Variants in DENND2C observed in about 807,000 individuals in gnomAD.
DENND2C encodes the protein DENN domain-containing protein 2C.
A neutral mutation model predicts 112.4 loss-of-function variants in DENND2C; 72 were observed. That is an observed-to-expected ratio of 0.64 (90% CI 0.53 to 0.78). DENND2C has a LOEUF of 0.78. Ranked by LOEUF, DENND2C falls within the 30% of genes least tolerant of loss-of-function variation. DENND2C has a pLI of 0.00. For missense variants in DENND2C, 992 were observed against 1,113.8 expected, an observed-to-expected ratio of 0.89 and a Z score of 1.56; for synonymous variants, 329 against 381.6, an observed-to-expected ratio of 0.86 and a Z score of 1.61.
chr1:114,626,060 T>G lies in DENND2C; in HGVS notation c.-76A>C. The G allele has an allele frequency of 2.2e-6, 3 of 1,368,914 alleles. No homozygotes were observed. Among genetic ancestry groups the G allele is most frequent in the Non-Finnish European group, 3.0e-6 (3 of 1,005,270 alleles). The allele number at this position is 1,368,914 out of a possible 1,614,324, so 84.8% of individuals were successfully genotyped here. On this transcript the variant is annotated 5_prime_UTR_variant, in exon 4 of 21. Transcript: ENST00000393274. ...CAAGTAAATGTGAAATATTGTATTC[T>G]TTATCCTGTCAGAATCCAAATGATT...
At chr1:114,628,191 C>T (rs1656396807) in intron 3 of DENND2C, among the ~76,000 whole-genome samples, 3 of 151,588 alleles carry the variant, frequency 2.0e-5, no homozygotes. Flanking sequence ...GTGGCATGTA[C>T]CTGTAGTCCC....
intron 1 of DENND2C, among the ~76,000 whole-genome samples, chr1:114,665,742 A>G (rs1450850667): frequency 6.6e-6 from 1 of 152,206 alleles, no homozygotes; most frequent in Admixed American, 6.5e-5. Context: ...AATCCATTTC[A>G]TTGCTTTATA....
chr1:114,614,232 G>GAAA (rs71090798), intron 8 of DENND2C, among the ~76,000 whole-genome samples: 4 of 114,342 alleles, frequency 3.5e-5, no homozygotes, highest in Non-Finnish European at 3.9e-5. Flanking sequence ...ACTCTGTCTT[G>GAAA]AAAAAAAAAA....
intron 4 of DENND2C, 56 bp downstream of exon 4, chr1:114,625,123 C>T: frequency 6.7e-7 from 1 of 1,491,710 alleles, no homozygotes; most frequent in Non-Finnish European, 8.9e-7. Context: ...AAAAGAAGCT[C>T]AATAATCCTG....
intron 3 of DENND2C, among the ~76,000 whole-genome samples, chr1:114,631,047 C>T (rs567839648): frequency 6.6e-6 from 1 of 152,306 alleles, no homozygotes; most frequent in Non-Finnish European, 1.5e-5. Context: ...ATAATTTTTA[C>T]ATGAAGACAA....
At chr1:114,594,760 C>T (rs1655296488) in intron 17 of DENND2C, among the ~76,000 whole-genome samples, 182 bp from the exon 18 acceptor site, 1 of 152,072 alleles carries the variant, frequency 6.6e-6, no homozygotes, top group Non-Finnish European at 1.5e-5. Flanking sequence ...TATATTTTAA[C>T]TATATTAAAA....
At chr1:114,612,671 C>G (rs950982375) in intron 8 of DENND2C, among the ~76,000 whole-genome samples, 2 of 152,038 alleles carry the variant, frequency 1.3e-5, no homozygotes, top group African/African-American at 4.8e-5. Flanking sequence ...AGGCGTGTGC[C>G]GCCACACTGG....
Position 114,618,394 on chromosome 1 carries a change from G to A in DENND2C, c.1316C>T (p.Pro439Leu), listed in dbSNP as rs200608160. ...CGAAAAACAATTCTTACCTTTTGTC[G>A]GAGGTAATTCCTTTCCAGTGTAAGA... ...LHSYTGKELP[P>L]TKGETSGNES... Residue 439 changes from proline to leucine, a missense_variant, in exon 8 of 21, where the codon CCG (proline) becomes CTG (leucine). Physicochemically the swap from Pro to Leu is moderately conservative, Grantham distance 98. Around this residue, in one of 3 missense-constraint regions of DENND2C, gnomAD observed 516 missense variants for 623.6 expected, o/e 0.83. Transcript: ENST00000393274. 1.3e-4 allele frequency: 204 copies of A among 1,572,554 alleles called. No individual in the cohort carries two copies. The highest frequency in any genetic ancestry group is 3.4e-4 in the Middle Eastern group (2 of 5,872).
At chr1:114,603,688 C>A (rs1231774086) in intron 11 of DENND2C, among the ~76,000 whole-genome samples, 2 of 151,720 alleles carry the variant, frequency 1.3e-5, no homozygotes, top group African/African-American at 2.4e-5. Flanking sequence ...CTACTGCACA[C>A]CACCGTGTCT....
At chr1:114,623,417 C>A in intron 5 of DENND2C, 90 bp downstream of exon 5, 1 of 1,314,686 alleles carries the variant, frequency 7.6e-7, no homozygotes. Flanking sequence ...GCAATATATG[C>A]TTGATTATAG....
intron 16 of DENND2C, among the ~76,000 whole-genome samples, chr1:114,597,644 A>G (rs1239338407): frequency 1.3e-5 from 2 of 150,966 alleles, no homozygotes; most frequent in Non-Finnish European, 3.0e-5. Context: ...TTAGCTGGGC[A>G]TGGTGGTGTG....
At chr1:114,633,775 C>T (rs1030052499) in intron 3 of DENND2C, among the ~76,000 whole-genome samples, 4 of 152,082 alleles carry the variant, frequency 2.6e-5, no homozygotes, top group Non-Finnish European at 5.9e-5. Flanking sequence ...CAAGATGGTA[C>T]ACTTAAATTT....
intron 1 of DENND2C, among the ~76,000 whole-genome samples, chr1:114,655,552 C>T (rs915524363): frequency 1.1e-4 from 17 of 151,646 alleles, no homozygotes; most frequent in African/African-American, 2.9e-4. Flanking sequence ...GGTGTGATCT[C>T]GGCTCACTGC....
intron 1 of DENND2C, among the ~76,000 whole-genome samples, chr1:114,661,081 T>C (rs1458557959): frequency 1.5e-5 from 2 of 133,542 alleles, no homozygotes; most frequent in Non-Finnish European, 3.1e-5. Context: ...ACTGTGCACC[T>C]GGGCGACAGA....
chr1:114,640,541 C>A (rs1225425215), intron 3 of DENND2C, among the ~76,000 whole-genome samples: 1 of 152,146 alleles, frequency 6.6e-6, no homozygotes, highest in Non-Finnish European at 1.5e-5. Flanking sequence ...GAGGTGTGTG[C>A]ATGTGTGTGT....
At chr1:114,612,671 C>T (rs950982375) in intron 8 of DENND2C, among the ~76,000 whole-genome samples, 8 of 152,156 alleles carry the variant, frequency 5.3e-5, no homozygotes, top group East Asian at 3.9e-4. Flanking sequence ...AGGCGTGTGC[C>T]GCCACACTGG....
chr1:114,585,662 C>T, intron 20 of DENND2C, 31 bp from the exon 21 acceptor site: 1 of 1,606,606 alleles, frequency 6.2e-7, no homozygotes, highest in Non-Finnish European at 8.5e-7. Flanking sequence ...AGTGAATGCT[C>T]AATTCATTTT....
At chr1:114,648,890 AATTAT>A (rs1055144081) in intron 2 of DENND2C, among the ~76,000 whole-genome samples, 4 of 152,240 alleles carry the variant, frequency 2.6e-5, no homozygotes, top group African/African-American at 9.6e-5. Flanking sequence ...TTTAGAATTT[AATTAT>A]ATTAATGCAA....
At chr1:114,600,601 G>C (rs544662071) in intron 14 of DENND2C, among the ~76,000 whole-genome samples, 2 of 152,192 alleles carry the variant, frequency 1.3e-5, no homozygotes, top group East Asian at 3.9e-4. Context: ...ATTACAAAGG[G>C]ACTCAGTCTA....
Sources: gnomAD v4.1 joint callset for allele counts (sites outside exome capture counted in the v4.1 genomes callset) on GRCh38, gnomAD v4.1.1 for gene constraint, gnomAD v4.1.1 regional missense constraint, MANE v1.5 for transcripts, NCBI Gene and HGNC (gene_info 2026-07-23, HGNC 2026-07-21) for gene names.